NCOR1: variants seen among roughly 807,000 people sequenced by gnomAD.
NCOR1 encodes the protein protein phosphatase 1, regulatory subunit 109.
NCOR1 carries 63 observed loss-of-function variants against 288.1 expected under a neutral mutation model. That is an observed-to-expected ratio of 0.22 (90% CI 0.18 to 0.27). The LOEUF (loss-of-function observed/expected upper bound fraction) is 0.27. Among genes scored for constraint, NCOR1 ranks in the 10% least tolerant of loss-of-function variants. The pLI is 1.00. For synonymous variants in NCOR1, 1,007 were observed against 1,065.9 expected (o/e 0.94, Z 1.08); for missense variants, 2,397 against 3,019.2 (o/e 0.79, Z 4.83).
In NCOR1 at chr17:16,127,352, TGTATGTATATATAC is replaced by T. The variant is rs2074511235; in HGVS notation, c.1510-1160_1510-1147del. Among the ~76,000 whole-genome samples the T allele has an allele frequency of 1.4e-5, 2 of 145,458 alleles. 1 individual carries two copies. The highest frequency in any genetic ancestry group is 5.1e-5 in the African/African-American group (2 of 39,310). ...ATGTATATATACATGTATGTATATA[TGTATGTATATATAC>T]ATGTATGTATATATGTATGTATATA... On this transcript the variant is annotated intron_variant, in intron 14 of 45. Coordinates refer to ENST00000268712, the MANE Select transcript of NCOR1 (RefSeq NM_006311.4).
intron 19 of NCOR1, among the ~76,000 whole-genome samples, chr17:16,105,721 AAAC>A (rs956956189): frequency 3.0e-4 from 12 of 40,664 alleles, no homozygotes; most frequent in East Asian, 2.2e-3. Context: ...AGTCTCCAAA[AAAC>A]AAACAAACAA....
intron 40 of NCOR1, chr17:16,057,301 CT>C (rs2060047577): frequency 2.1e-5 from 12 of 562,278 alleles, no homozygotes; most frequent in South Asian, 6.6e-5. Flanking sequence ...ATATAATCAT[CT>C]TTTGAATATA....
intron 2 of NCOR1, among the ~76,000 whole-genome samples, chr17:16,190,612 A>G (rs942029820): frequency 6.6e-6 from 1 of 151,916 alleles, no homozygotes; most frequent in African/African-American, 2.4e-5. Context: ...AAGTGCTGGG[A>G]TTACAGGCAT....
chr17:16,180,473 G>A (rs1356147259), intron 3 of NCOR1, among the ~76,000 whole-genome samples: 1 of 152,150 alleles, frequency 6.6e-6, no homozygotes, highest in African/African-American at 2.4e-5. Flanking sequence ...TATCTGGGGT[G>A]GGCTCAGTGG....
intron 17 of NCOR1, 117 bp from the exon 18 acceptor site, chr17:16,118,144 T>A (rs2072103600): frequency 1.0e-6 from 1 of 978,200 alleles, no homozygotes; most frequent in African/African-American, 1.7e-5. Context: ...GAAGTGTGCT[T>A]TCAATTACTT....
rs191777958 is a variant in NCOR1, at chr17:16,057,969, C to A, written c.6106G>T (p.Ala2036Ser). 3.1e-6 allele frequency: 5 copies of A among 1,614,110 alleles called. No individual in the cohort carries two copies. The East Asian group carries it at 1.1e-4, about 36-fold the overall frequency. The stretch of plus-strand genomic sequence containing the variant: ...CTGGGCACTTGCCCCATTCCCTCTG[C>A]CTGTGAAGAAGGGGGCAGCTGTTGT... ...PQQQLPPSSQ[A>S]EGMGQVPRTH... The change falls in exon 39 of 46, where the codon GCA (alanine) becomes TCA (serine). Residue 2036 changes from alanine to serine, a missense_variant. Coordinates refer to ENST00000268712, the MANE Select transcript of NCOR1 (RefSeq NM_006311.4).
At position 16,158,893 on chromosome 17, in the gene NCOR1, A is replaced by G; in HGVS notation, c.619-20T>C. ...CTGTTGCTAAGAGATCCAGAAAGAA[A>G]GAGTCAAGCATGTGCTGCACACCAC... On this transcript the variant is annotated intron_variant, in intron 5 of 45. Coordinates refer to ENST00000268712, the MANE Select transcript of NCOR1 (RefSeq NM_006311.4). 1 of 1,568,652 alleles carries G rather than the reference A, an allele frequency of 6.4e-7. No individual in the cohort carries two copies. The highest frequency in any genetic ancestry group is 8.8e-7 in the Non-Finnish European group (1 of 1,139,288).
chr17:16,034,877 C>A lies in NCOR1; in HGVS notation c.7023G>T (p.Gly2341=). The A allele has an allele frequency of 6.2e-7, 1 of 1,614,058 alleles. No homozygotes were observed. The highest frequency in any genetic ancestry group is 8.5e-7 in the Non-Finnish European group (1 of 1,180,002). The change falls in exon 45 of 46, where the codon GGG becomes GGT. Residue 2341 remains glycine (G), a synonymous_variant. Coordinates refer to ENST00000268712, the MANE Select transcript of NCOR1 (RefSeq NM_006311.4). The stretch of plus-strand genomic sequence containing the variant: ...GCCGTTCCGTTCCTAAGTAGCCTTG[C>A]CCAGGTATAGGAGACTTAGATTTCC... ...NSRKSKSPIP[G]QGYLGTERPS...
chr17:16,130,767 T>C (rs965344100), intron 14 of NCOR1, among the ~76,000 whole-genome samples: 3 of 152,168 alleles, frequency 2.0e-5, no homozygotes, highest in African/African-American at 7.2e-5. Context: ...CACTGCAACC[T>C]ATGCCTCCCA....
At chr17:16,052,362 T>C (rs2059424630) in intron 40 of NCOR1, among the ~76,000 whole-genome samples, 1 of 151,982 alleles carries the variant, frequency 6.6e-6, no homozygotes, top group Non-Finnish European at 1.5e-5. Context: ...TAAAACAGAC[T>C]GCTAGCTAAG....
intron 14 of NCOR1, among the ~76,000 whole-genome samples, chr17:16,130,751 T>C (rs1363196933): frequency 6.6e-6 from 1 of 151,904 alleles, no homozygotes; most frequent in African/African-American, 2.4e-5. Context: ...CGGCGCAATC[T>C]TGGCTCACTG....
chr17:16,195,979 T>G (rs1405426517), intron 1 of NCOR1, among the ~76,000 whole-genome samples: 1 of 151,616 alleles, frequency 6.6e-6, no homozygotes, highest in African/African-American at 2.4e-5. Flanking sequence ...TCTATCTTAA[T>G]TATATATAAA....
In NCOR1 at chr17:16,071,558, C is replaced by T; in HGVS notation, c.4003G>A (p.Gly1335Arg). Residue 1335 changes from glycine to arginine, a missense_variant, in exon 30 of 46, where the codon GGA becomes AGA. By Grantham distance (125) the Gly-to-Arg change is moderately radical. Transcript: ENST00000268712. Reference sequence around the variant, plus strand: ...GTGGTGATGCCATCATATGGTTTTCCTTTGGTAATGGCACCTTCAAATGCT... The same window carrying T: ...GTGGTGATGCCATCATATGGTTTTCTTTTGGTAATGGCACCTTCAAATGCT... ...IRAFEGAITK[G>R]KPYDGITTIK... The T allele has an allele frequency of 6.2e-7, 1 of 1,614,018 alleles. No individual in the cohort carries two copies. Among genetic ancestry groups the T allele is most frequent in the Non-Finnish European group, 8.5e-7 (1 of 1,180,010 alleles).
At chr17:16,046,815 G>T in intron 42 of NCOR1, 136 bp downstream of exon 42, 1 of 1,006,662 alleles carries the variant, frequency 9.9e-7, no homozygotes. Flanking sequence ...ACTTGAGAAG[G>T]AACTCTAGGA....
At chr17:16,157,966 T>A (rs571287435) in intron 6 of NCOR1, among the ~76,000 whole-genome samples, 1 of 152,126 alleles carries the variant, frequency 6.6e-6, no homozygotes, top group South Asian at 2.1e-4. Flanking sequence ...AAAATCTACC[T>A]TGAACTTTGA....
intron 8 of NCOR1, 89 bp downstream of exon 8, chr17:16,151,852 ATATAT>A: frequency 9.9e-7 from 1 of 1,014,068 alleles, no homozygotes; most frequent in Non-Finnish European, 1.5e-6. Flanking sequence ...CATACCTACA[ATATAT>A]TATAATAATG....
chr17:16,153,576 T>G (rs185934641), intron 6 of NCOR1, among the ~76,000 whole-genome samples, 181 bp from the exon 7 acceptor site: 22 of 152,334 alleles, frequency 1.4e-4, no homozygotes, highest in Admixed American at 9.8e-4. Flanking sequence ...TTTTCTTAAT[T>G]TGTAGTTACA....
At chr17:16,138,877 C>T (rs569870106) in intron 12 of NCOR1, 131 bp downstream of exon 12, 37 of 615,802 alleles carry the variant, frequency 6.0e-5, no homozygotes, top group Middle Eastern at 9.1e-4. Context: ...CTCTACTTTT[C>T]ACAGTATTGA....
At chr17:16,057,833 T>C in intron 39 of NCOR1, 74 bp downstream of exon 39, 1 of 1,489,130 alleles carries the variant, frequency 6.7e-7, no homozygotes, top group African/African-American at 1.4e-5. Flanking sequence ...TATAAATTTC[T>C]TTTTCTATAT....
Sources: allele counts gnomAD v4.1 joint callset (sites outside exome capture counted in the v4.1 genomes callset), GRCh38; gene constraint gnomAD v4.1.1; transcripts MANE v1.5; gene names NCBI Gene and HGNC (gene_info 2026-07-23, HGNC 2026-07-21).